SLC24A3: variants seen among roughly 807,000 people sequenced by gnomAD.
SLC24A3 encodes solute carrier family 24 member 3.
A neutral mutation model predicts 75.8 loss-of-function variants in SLC24A3; 28 were observed. That is an observed-to-expected ratio of 0.37 (90% CI 0.27 to 0.51). The LOEUF (loss-of-function observed/expected upper bound fraction) is 0.51. Among genes scored for constraint, SLC24A3 ranks in the 20% least tolerant of loss-of-function variants. The probability of loss-of-function intolerance (pLI) is 0.94; values close to 1 mark genes in which losing one functional copy is unlikely to be tolerated. For missense variants in SLC24A3, 663 were observed against 847.8 expected, an observed-to-expected ratio of 0.78 and a Z score of 2.71; for synonymous variants, 372 against 334.1, an observed-to-expected ratio of 1.11 and a Z score of -1.24.
Position 19,563,852 on chromosome 20 carries a change from C to T in SLC24A3, c.349-16148C>T, listed in dbSNP as rs373929826. On this transcript the variant is annotated intron_variant, in intron 3 of 16. Transcript: ENST00000328041. ...GCAATAAACATTGCTGTAACTGGCACGAAAATTCCTACCTTATTGTGATAA... is the reference window on the plus strand; with the variant it reads ...GCAATAAACATTGCTGTAACTGGCATGAAAATTCCTACCTTATTGTGATAA... 1.1e-4 allele frequency among the ~76,000 whole-genome samples: 17 copies of T among 152,236 alleles called. 2 individuals carry two copies. Among genetic ancestry groups the T allele is most frequent in the Middle Eastern group, 3.4e-3 (1 of 294 alleles).
At chr20:19,330,015 A>T (rs1355431818) in intron 2 of SLC24A3, among the ~76,000 whole-genome samples, 1 of 152,308 alleles carries the variant, frequency 6.6e-6, no homozygotes, top group East Asian at 1.9e-4. Context: ...TCTACACATG[A>T]TTTTAACTCA....
intron 1 of SLC24A3, among the ~76,000 whole-genome samples, chr20:19,240,332 G>C (rs1982296227): frequency 6.6e-6 from 1 of 152,158 alleles, no homozygotes; most frequent in Non-Finnish European, 1.5e-5. Context: ...ATAACATGCA[G>C]ACCCTCAATA....
chr20:19,226,125 A>T (rs1981861909), intron 1 of SLC24A3, among the ~76,000 whole-genome samples: 1 of 152,094 alleles, frequency 6.6e-6, no homozygotes, highest in South Asian at 2.1e-4. Context: ...AGTTTTTATC[A>T]AGGGTGGATA....
At chr20:19,608,459 A>C (rs2031627198) in intron 6 of SLC24A3, among the ~76,000 whole-genome samples, 1 of 152,252 alleles carries the variant, frequency 6.6e-6, no homozygotes, top group Admixed American at 6.5e-5. Flanking sequence ...AGTTAAAGTC[A>C]GTCCTTTAAT....
chr20:19,280,104 C>T (rs919331395), intron 1 of SLC24A3, among the ~76,000 whole-genome samples: 5 of 152,176 alleles, frequency 3.3e-5, no homozygotes, highest in Non-Finnish European at 5.9e-5. Context: ...CCTCCCTTTC[C>T]GTGCTCTGTA....
chr20:19,331,964 A>G (rs999608285), intron 2 of SLC24A3, among the ~76,000 whole-genome samples: 2 of 152,206 alleles, frequency 1.3e-5, no homozygotes, highest in Non-Finnish European at 2.9e-5. Context: ...AAGGAAGAAC[A>G]TTCCAGGCAG....
chr20:19,431,675 A>G (rs1242933767), intron 2 of SLC24A3, among the ~76,000 whole-genome samples: 1 of 152,088 alleles, frequency 6.6e-6, no homozygotes, highest in African/African-American at 2.4e-5. Flanking sequence ...CTTCATACTG[A>G]GTTGAAACAG....
At chr20:19,487,102 AAGATCTGTTAGG>A (rs1988137673) in intron 2 of SLC24A3, among the ~76,000 whole-genome samples, 1 of 152,148 alleles carries the variant, frequency 6.6e-6, no homozygotes, top group African/African-American at 2.4e-5. Flanking sequence ...AAGAGTTTGG[AAGATCTGTTAGG>A]TGAATGTGGA....
intron 2 of SLC24A3, among the ~76,000 whole-genome samples, chr20:19,406,738 A>C (rs765007643): frequency 2.6e-5 from 4 of 152,206 alleles, no homozygotes; most frequent in Non-Finnish European, 5.9e-5. Flanking sequence ...AGCGTGCTCT[A>C]TGCCCTCGGT....
intron 1 of SLC24A3, among the ~76,000 whole-genome samples, chr20:19,248,551 A>C (rs1982561294): frequency 6.6e-6 from 1 of 152,214 alleles, no homozygotes; most frequent in Non-Finnish European, 1.5e-5. Context: ...TTTTGGCGGA[A>C]ATGTAAATGA....
At chr20:19,369,809 A>G (rs1249630615) in intron 2 of SLC24A3, among the ~76,000 whole-genome samples, 1 of 152,216 alleles carries the variant, frequency 6.6e-6, no homozygotes. Context: ...ACTGTCCAGA[A>G]TGATGGAAAT....
At chr20:19,616,517 C>T (rs1378976268) in intron 6 of SLC24A3, among the ~76,000 whole-genome samples, 1 of 152,168 alleles carries the variant, frequency 6.6e-6, no homozygotes, top group Non-Finnish European at 1.5e-5. Context: ...ATGCTGTGAC[C>T]TCCCAGTTCT....
intron 2 of SLC24A3, among the ~76,000 whole-genome samples, chr20:19,480,917 T>C (rs1488810617): frequency 6.6e-6 from 1 of 152,198 alleles, no homozygotes; most frequent in Admixed American, 6.5e-5. Context: ...ATTTAACAAA[T>C]ACATATTGAC....
intron 1 of SLC24A3, among the ~76,000 whole-genome samples, chr20:19,221,055 G>C (rs1421283783): frequency 6.6e-6 from 1 of 152,122 alleles, no homozygotes; most frequent in Admixed American, 6.5e-5. Context: ...CTCTCCAGTT[G>C]CCTAGATTTC....
In SLC24A3 at chr20:19,585,419, T is replaced by C. The variant is rs749590312; in HGVS notation, c.509-22T>C. On this transcript the variant is annotated intron_variant, in intron 5 of 16. Transcript: ENST00000328041. ...TGCAACAGGGCCACAACAGCCAGGC[T>C]GATGTGGGATCTGTGTTTCAGGGGT... The C allele has an allele frequency of 2.1e-5, 34 of 1,611,194 alleles. No homozygotes were observed. The Admixed American group carries it at 5.7e-4, about 27-fold the overall frequency.
intron 2 of SLC24A3, among the ~76,000 whole-genome samples, chr20:19,486,879 T>TA (rs1988134490): frequency 6.6e-6 from 1 of 152,176 alleles, no homozygotes; most frequent in Non-Finnish European, 1.5e-5. Context: ...GGGAATTAAA[T>TA]ACATCAGATA....
chr20:19,600,197 G>T (rs1248565197), intron 6 of SLC24A3, among the ~76,000 whole-genome samples: 5 of 152,124 alleles, frequency 3.3e-5, no homozygotes, highest in Non-Finnish European at 7.4e-5. Flanking sequence ...CTCGGCCCCA[G>T]CTCCAGCTCC....
chr20:19,435,967 C>T (rs1270390857), intron 2 of SLC24A3, among the ~76,000 whole-genome samples: 2 of 152,158 alleles, frequency 1.3e-5, no homozygotes, highest in African/African-American at 4.8e-5. Context: ...TACCAAGTGA[C>T]CTGCTGGCAT....
Position 19,696,845 on chromosome 20 carries a change from A to C in SLC24A3, c.1540A>C (p.Ile514Leu), listed in dbSNP as rs150496195. 8 of 1,613,740 alleles carry C rather than the reference A, an allele frequency of 5.0e-6. No individual in the cohort carries two copies. The African/African-American group carries it at 1.1e-4, about 22-fold the overall frequency. Reference sequence around the variant, plus strand: ...GGGGATTCCTGACGTCATCATGGGGATCACCTTCCTGGCTGCTGGGACCAG... The same window carrying C: ...GGGGATTCCTGACGTCATCATGGGGCTCACCTTCCTGGCTGCTGGGACCAG... ...TLGIPDVIMG[I>L]TFLAAGTSVP... Residue 514 changes from isoleucine to leucine, a missense_variant, in exon 14 of 17, where the codon ATC (isoleucine) becomes CTC (leucine). Physicochemically the swap from Ile to Leu is conservative, Grantham distance 5. Around this residue, in one of 2 missense-constraint regions of SLC24A3, gnomAD observed 510 missense variants for 703.6 expected, o/e 0.72. Transcript: ENST00000328041.
Sources: gnomAD v4.1 joint callset for allele counts (sites outside exome capture counted in the v4.1 genomes callset) on GRCh38, gnomAD v4.1.1 for gene constraint, gnomAD v4.1.1 regional missense constraint, MANE v1.5 for transcripts, NCBI Gene and HGNC (gene_info 2026-07-23, HGNC 2026-07-21) for gene names.